Variants in KDM7A observed in about 807,000 individuals in gnomAD.
The protein encoded by KDM7A is lysine-specific demethylase 7A.
In KDM7A, 28 loss-of-function variants were observed where a neutral mutation model predicts 114.8. The observed-to-expected ratio is 0.24, with a 90% CI of 0.18 to 0.33. KDM7A has a LOEUF of 0.33. Ranked by LOEUF, KDM7A falls within the 10% of genes least tolerant of loss-of-function variation. The pLI is 1.00. For synonymous variants in KDM7A, 423 were observed against 397.8 expected, an observed-to-expected ratio of 1.06 and a Z score of -0.75; for missense variants, 942 against 1,142.5, an observed-to-expected ratio of 0.82 and a Z score of 2.53.
At chr7:140,103,447 T>C (rs1390332173) in intron 11 of KDM7A, among the ~76,000 whole-genome samples, 1 of 134,410 alleles carries the variant, frequency 7.4e-6, no homozygotes, top group Non-Finnish European at 1.7e-5. Context: ...TTTCTCCTAA[T>C]GTTATCCCTC....
At chr7:140,125,521 G>A (rs1041040354) in intron 6 of KDM7A, among the ~76,000 whole-genome samples, 2 of 152,192 alleles carry the variant, frequency 1.3e-5, no homozygotes, top group Admixed American at 6.5e-5. Flanking sequence ...TTTGAACAAT[G>A]CAGCTCTAGA....
intron 1 of KDM7A, among the ~76,000 whole-genome samples, chr7:140,170,469 C>G (rs1333395423): frequency 1.3e-5 from 2 of 152,178 alleles, no homozygotes; most frequent in African/African-American, 2.4e-5. Context: ...CCATCTACCC[C>G]CTTGACAGCA....
chr7:140,088,371 C>T lies in KDM7A; in HGVS notation c.*2723G>A. The T allele has an allele frequency of 2.5e-6, 1 of 395,536 alleles. No homozygotes were observed. 24.5% of individuals were successfully genotyped at this position (395,536 alleles called of 1,614,324 possible). Reference sequence around the variant, plus strand: ...TGAAACAATACAGGAAAATTATCATCTATTCCTATTACTAAAGTTGCATAT... The same window carrying T: ...TGAAACAATACAGGAAAATTATCATTTATTCCTATTACTAAAGTTGCATAT... On this transcript the variant is annotated 3_prime_UTR_variant, in exon 20 of 20. Coordinates refer to ENST00000397560, the MANE Select transcript of KDM7A (RefSeq NM_030647.2).
chr7:140,098,823 C>T, intron 14 of KDM7A, 56 bp downstream of exon 14: 1 of 1,427,022 alleles, frequency 7.0e-7, no homozygotes, highest in Non-Finnish European at 9.7e-7. Context: ...AGTTACTTTA[C>T]ATATTATCAC....
intron 1 of KDM7A, among the ~76,000 whole-genome samples, chr7:140,171,928 T>G (rs750796875): frequency 2.0e-5 from 3 of 152,168 alleles, no homozygotes; most frequent in Non-Finnish European, 1.5e-5. Context: ...GTTGATGACA[T>G]TTAGGTTGTT....
intron 1 of KDM7A, among the ~76,000 whole-genome samples, chr7:140,165,119 C>T (rs1794559943): frequency 6.6e-6 from 1 of 152,082 alleles, no homozygotes. Context: ...TACTTTATAT[C>T]CCTGGGGTTC....
In KDM7A at chr7:140,120,505, G is replaced by A; in HGVS notation, c.1076C>T (p.Ser359Phe). ...CCCCCCAAAAGCCATACAGTCCTGA[G>A]AAGTGAGCACAGCATGGATCCACCC... ...PTGWIHAVLT[S>F]QDCMAFGGNF... Residue 359 changes from serine (S) to phenylalanine (F), a missense_variant, in exon 8 of 20, where the codon TCT becomes TTT. Ser to Phe is a radical substitution (Grantham distance 155, BLOSUM62 -2). Around this residue, in one of 4 missense-constraint regions of KDM7A, gnomAD observed 318 missense variants for 453.1 expected, o/e 0.70. Coordinates refer to ENST00000397560, the MANE Select transcript of KDM7A (RefSeq NM_030647.2). The A allele has an allele frequency of 3.7e-6, 6 of 1,611,758 alleles. No homozygotes were observed. Among genetic ancestry groups the A allele is most frequent in the Non-Finnish European group, 5.1e-6 (6 of 1,177,940 alleles).
chr7:140,176,660 G>C lies in KDM7A; in HGVS notation c.194+84C>G, dbSNP rs568745891. On this transcript the variant is annotated intron_variant, in intron 1 of 19. Transcript: ENST00000397560. This position sits in a 1 kb window ranked among gnomAD's most constrained non-coding sequence, Gnocchi z 4.4. ...TGGGCGCGGCGCGGCGGCCCGGCCC[G>C]AGGGAGGCGCGGGCGGCCGGCGGCG... 10 of 977,812 alleles carry C rather than the reference G, an allele frequency of 1.0e-5. No individual in the cohort carries two copies. The highest frequency in any genetic ancestry group is 1.8e-5 in the African/African-American group (1 of 56,170). 60.6% of individuals were successfully genotyped at this position (977,812 alleles called of 1,614,324 possible). A position where few individuals can be genotyped will look rare whatever the true frequency, so the allele number is the denominator to read the frequency against.
At position 140,176,903 on chromosome 7, in the gene KDM7A, G is replaced by A; in HGVS notation, c.35C>T (p.Ala12Val). The A allele has an allele frequency of 8.5e-7, 1 of 1,176,068 alleles. No individual in the cohort carries two copies. The allele number at this position is 1,176,068 out of a possible 1,614,324, so 72.9% of individuals were successfully genotyped here. ...GGCTGCCGCGGCGGCTCCAGCTGCT[G>A]CTCCCGCGGCCACCGCCGCCGCCGC... ...AGAAAAVAAGAAAGAAAAAVS... is the reference protein window; with the variant it reads ...AGAAAAVAAGVAAGAAAAAVS... The change falls in exon 1 of 20, where the codon GCA (alanine) becomes GTA (valine). Residue 12 changes from alanine to valine, a missense_variant. Ala to Val is a moderately conservative substitution (Grantham distance 64, BLOSUM62 0). Transcript: ENST00000397560. The surrounding 1 kb of genome is among the most constrained non-coding windows in gnomAD (Gnocchi z 4.4).
chr7:140,127,705 C>A (rs929020249), intron 4 of KDM7A, 122 bp from the exon 5 acceptor site: 3 of 854,954 alleles, frequency 3.5e-6, no homozygotes, highest in Non-Finnish European at 5.7e-6. Flanking sequence ...GTAGTCTAGA[C>A]AAATATTTTC....
At chr7:140,113,385 T>C (rs1818464332) in intron 10 of KDM7A, 106 bp downstream of exon 10, 4 of 554,068 alleles carry the variant, frequency 7.2e-6, no homozygotes, top group Non-Finnish European at 1.3e-5. Context: ...TGATTTCTAT[T>C]CCCTCTACTA....
At chr7:140,137,673 A>G (rs1446487692) in intron 2 of KDM7A, among the ~76,000 whole-genome samples, 1 of 152,214 alleles carries the variant, frequency 6.6e-6, no homozygotes, top group African/African-American at 2.4e-5. Context: ...CTGTATACTT[A>G]ACAAAAGGAA....
At chr7:140,118,874 T>C (rs1367749881) in intron 9 of KDM7A, among the ~76,000 whole-genome samples, 2 of 152,192 alleles carry the variant, frequency 1.3e-5, no homozygotes, top group Non-Finnish European at 2.9e-5. Context: ...ATTACCTACG[T>C]TGTTCTGATC....
chr7:140,136,805 G>A (rs1020674227), intron 2 of KDM7A, among the ~76,000 whole-genome samples: 3 of 152,070 alleles, frequency 2.0e-5, no homozygotes, highest in African/African-American at 7.2e-5. Context: ...TGGCCAACAT[G>A]GTGAAACTCT....
intron 9 of KDM7A, among the ~76,000 whole-genome samples, chr7:140,114,359 G>A (rs1182112548): frequency 3.9e-5 from 6 of 152,254 alleles, no homozygotes; most frequent in Admixed American, 6.5e-5. Flanking sequence ...TGGTGGAGAC[G>A]GGGTTTCGCT....
At chr7:140,096,497 G>A in intron 17 of KDM7A, 58 bp downstream of exon 17, 1 of 1,251,760 alleles carries the variant, frequency 8.0e-7, no homozygotes, top group African/African-American at 1.5e-5. Flanking sequence ...GGATTATTGA[G>A]CCATTAAGTT....
At chr7:140,161,760 G>C (rs1794521971) in intron 1 of KDM7A, among the ~76,000 whole-genome samples, 1 of 151,666 alleles carries the variant, frequency 6.6e-6, no homozygotes, top group Admixed American at 6.6e-5. Flanking sequence ...TGGCCAGGAT[G>C]GTCTCGATCT....
At chr7:140,121,638 T>C (rs1462002637) in intron 7 of KDM7A, among the ~76,000 whole-genome samples, 1 of 152,222 alleles carries the variant, frequency 6.6e-6, no homozygotes, top group East Asian at 1.9e-4. Context: ...TACTGGCATT[T>C]TGTGAGTGGG....
Position 140,124,611 on chromosome 7 carries a change from A to C in KDM7A, c.1051+10T>G. ...ATCATGTTGAGTAGGGGATGGGATG[A>C]AAACCTTACCTGTAGGAACAAATAA... On this transcript the variant is annotated intron_variant, in intron 7 of 19. Transcript: ENST00000397560. The C allele has an allele frequency of 6.2e-7, 1 of 1,601,268 alleles. No homozygotes were observed. Among genetic ancestry groups the C allele is most frequent in the Non-Finnish European group, 8.5e-7 (1 of 1,174,638 alleles).
Sources: gnomAD v4.1 joint callset for allele counts (sites outside exome capture counted in the v4.1 genomes callset) on GRCh38, gnomAD v4.1.1 for gene constraint, gnomAD v4.1.1 regional missense constraint, Gnocchi (gnomAD v3.1) non-coding constraint, MANE v1.5 for transcripts, NCBI Gene and HGNC (gene_info 2026-07-23, HGNC 2026-07-21) for gene names.